The following CSMD1 variants were observed in gnomAD, a reference collection of about 807,000 sequenced individuals.
CSMD1 encodes the protein CUB and Sushi multiple domains 1, also known as CUB and sushi domain-containing protein 1.
In CSMD1, 213 loss-of-function variants were observed where a neutral mutation model predicts 417.5. That is an observed-to-expected ratio of 0.51 (90% CI 0.46 to 0.57). The LOEUF (loss-of-function observed/expected upper bound fraction) is 0.57. Ranked by LOEUF, CSMD1 falls within the 20% of genes least tolerant of loss-of-function variation. CSMD1 has a pLI of 0.00. For missense variants in CSMD1, 6,923 were observed against 4,529.7 expected (o/e 1.53, Z -15.17); for synonymous variants, 2,862 against 1,736.8 (o/e 1.65, Z -16.11).
At chr8:3,543,653 T>C (rs115969943) in intron 10 of CSMD1, among the ~76,000 whole-genome samples, 3,139 of 151,618 alleles carry the variant, frequency 0.021, 96 homozygotes, top group African/African-American at 0.071. Flanking sequence ...AAAAAAAGAA[T>C]TGCCATTTTC....
chr8:4,193,486 A>C (rs1190657088), intron 3 of CSMD1, among the ~76,000 whole-genome samples: 2 of 152,112 alleles, frequency 1.3e-5, no homozygotes, highest in African/African-American at 4.8e-5. Flanking sequence ...GACATTAGGG[A>C]AGGTGACGAT....
chr8:4,325,609 T>C (rs1047589516), intron 3 of CSMD1, among the ~76,000 whole-genome samples: 2 of 152,170 alleles, frequency 1.3e-5, no homozygotes, highest in Admixed American at 6.5e-5. Flanking sequence ...CAGGGCAACA[T>C]GAAAGCATCT....
intron 3 of CSMD1, among the ~76,000 whole-genome samples, chr8:4,223,739 G>T (rs757004297): frequency 2.6e-5 from 4 of 152,176 alleles, no homozygotes; most frequent in Non-Finnish European, 4.4e-5. Context: ...ATTTGGGTCA[G>T]ATTCTCAGAA....
intron 35 of CSMD1, 106 bp from the exon 36 acceptor site, chr8:3,188,071 T>C (rs547843944): frequency 2.2e-5 from 10 of 447,062 alleles, no homozygotes; most frequent in Admixed American, 3.8e-5. Flanking sequence ...TATGTATATA[T>C]ATATACATAT....
chr8:3,512,235 G>A (rs955933285), intron 10 of CSMD1, among the ~76,000 whole-genome samples: 4 of 152,338 alleles, frequency 2.6e-5, no homozygotes, highest in African/African-American at 7.2e-5. Context: ...GGGTCCACGT[G>A]CAGAACCATG....
At chr8:2,973,440 TAAGA>T (rs1057265905) in intron 56 of CSMD1, 141 bp from the exon 57 acceptor site, 1 of 826,426 alleles carries the variant, frequency 1.2e-6, no homozygotes, top group South Asian at 1.9e-5. Context: ...TGCAATCTTG[TAAGA>T]AAGAATTTCT....
At chr8:3,357,648 T>A (rs1310782829) in intron 21 of CSMD1, among the ~76,000 whole-genome samples, 9 of 152,208 alleles carry the variant, frequency 5.9e-5, no homozygotes, top group African/African-American at 2.2e-4. Context: ...GTTACATATC[T>A]AGATGTCACC....
At chr8:3,598,897 A>T (rs1205341244) in intron 8 of CSMD1, among the ~76,000 whole-genome samples, 2 of 152,138 alleles carry the variant, frequency 1.3e-5, no homozygotes, top group Non-Finnish European at 2.9e-5. Context: ...TCTGACCAAC[A>T]TAATGAAACC....
At chr8:4,611,648 G>C (rs1297899903) in intron 2 of CSMD1, among the ~76,000 whole-genome samples, 1 of 152,070 alleles carries the variant, frequency 6.6e-6, no homozygotes, top group Non-Finnish European at 1.5e-5. Flanking sequence ...ATTTTGTTAA[G>C]AGAAAAAGTG....
intron 5 of CSMD1, among the ~76,000 whole-genome samples, chr8:3,955,904 T>C (rs142558203): frequency 2.2e-3 from 335 of 152,248 alleles, no homozygotes; most frequent in African/African-American, 7.7e-3. Flanking sequence ...ACTTCAACCT[T>C]TGCCTCCCGG....
intron 37 of CSMD1, among the ~76,000 whole-genome samples, chr8:3,166,584 T>C (rs1820231407): frequency 6.6e-6 from 1 of 152,126 alleles, no homozygotes; most frequent in Non-Finnish European, 1.5e-5. Flanking sequence ...CAAGTCTGCC[T>C]TTCCTGAAGT....
chr8:4,704,625 C>T (rs1223634019), intron 1 of CSMD1, among the ~76,000 whole-genome samples: 4 of 152,182 alleles, frequency 2.6e-5, no homozygotes, highest in Non-Finnish European at 5.9e-5. Context: ...CTGTACATTT[C>T]TTCTTTTAAC....
At chr8:3,830,656 A>C (rs1356190693) in intron 5 of CSMD1, among the ~76,000 whole-genome samples, 1 of 152,208 alleles carries the variant, frequency 6.6e-6, no homozygotes, top group East Asian at 1.9e-4. Flanking sequence ...CAATGTGCCT[A>C]GGAATTCACA....
chr8:3,780,334 G>A (rs529172497), intron 5 of CSMD1, among the ~76,000 whole-genome samples: 7 of 152,180 alleles, frequency 4.6e-5, no homozygotes, highest in Middle Eastern at 3.2e-3. Flanking sequence ...ACAGTTGTTC[G>A]TTAGAATAGA....
At chr8:3,100,623 A>G (rs1166131788) in intron 46 of CSMD1, among the ~76,000 whole-genome samples, 1 of 152,240 alleles carries the variant, frequency 6.6e-6, no homozygotes, top group African/African-American at 2.4e-5. Context: ...TGCCTCTCTC[A>G]GACATCACCT....
At chr8:4,791,026 T>C (rs975745076) in intron 1 of CSMD1, among the ~76,000 whole-genome samples, 4 of 151,714 alleles carry the variant, frequency 2.6e-5, no homozygotes, top group African/African-American at 9.7e-5. Context: ...AAATAAACTA[T>C]CAGGAGAGTA....
chr8:4,715,524 C>T (rs1368684026), intron 1 of CSMD1, among the ~76,000 whole-genome samples: 1 of 152,158 alleles, frequency 6.6e-6, no homozygotes, highest in Non-Finnish European at 1.5e-5. Flanking sequence ...GATCAGACTT[C>T]CCCTTTTAAT....
chr8:4,363,554 G>T (rs1584959459), intron 3 of CSMD1, among the ~76,000 whole-genome samples: 1 of 152,256 alleles, frequency 6.6e-6, no homozygotes, highest in African/African-American at 2.4e-5. Flanking sequence ...CCCTACTACA[G>T]ATTGTAGGAA....
intron 2 of CSMD1, among the ~76,000 whole-genome samples, chr8:4,470,925 A>G (rs900344446): frequency 5.9e-5 from 9 of 152,194 alleles, no homozygotes; most frequent in East Asian, 3.8e-4. Context: ...GAATGTGTAA[A>G]TAAGTATTTT....
Sources: gnomAD v4.1 joint callset for allele counts (sites outside exome capture counted in the v4.1 genomes callset) on GRCh38, gnomAD v4.1.1 for gene constraint, MANE v1.5 for transcripts, NCBI Gene and HGNC (gene_info 2026-07-23, HGNC 2026-07-21) for gene names.